The following FYTTD1 variants were observed in gnomAD, a reference collection of about 807,000 sequenced individuals.
FYTTD1 encodes UAP56-interacting factor.
FYTTD1 carries 22 observed loss-of-function variants against 40.9 expected under a neutral mutation model. That is an observed-to-expected ratio of 0.54 (90% CI 0.38 to 0.77). The LOEUF is 0.77. FYTTD1 is among the 30% of genes least tolerant of loss of function. The probability of loss-of-function intolerance (pLI) is 0.00; values close to 1 mark genes in which losing one functional copy is unlikely to be tolerated. For synonymous variants in FYTTD1, 140 were observed against 137.9 expected (o/e 1.01, Z -0.10); for missense variants, 351 against 392.2 (o/e 0.90, Z 0.89).
intron 1 of FYTTD1, 182 bp downstream of exon 1, chr3:197,750,256 G>C: frequency 2.2e-6 from 2 of 894,896 alleles, no homozygotes; most frequent in Non-Finnish European, 3.0e-6. Flanking sequence ...CAGGTGCCCG[G>C]CTGGACCGCG....
At chr3:197,758,334 T>A (rs1410310280) in intron 2 of FYTTD1, among the ~76,000 whole-genome samples, 2 of 152,260 alleles carry the variant, frequency 1.3e-5, no homozygotes, top group African/African-American at 2.4e-5. Context: ...GTTTATCAAA[T>A]ATTTAACATG....
At chr3:197,775,372 A>G (rs1729846457) in intron 6 of FYTTD1, among the ~76,000 whole-genome samples, 1 of 152,216 alleles carries the variant, frequency 6.6e-6, no homozygotes, top group African/African-American at 2.4e-5. Flanking sequence ...AATAAAATAT[A>G]TACACTTGGC....
chr3:197,775,412 G>A (rs2109052685), intron 6 of FYTTD1, among the ~76,000 whole-genome samples: 1 of 152,238 alleles, frequency 6.6e-6, no homozygotes. Context: ...TTGTTGCCAG[G>A]CCCATTGAAG....
rs367616356 is a variant in FYTTD1 at position 197,765,293 on chromosome 3, A to T, written c.236-3146A>T. Among the ~76,000 whole-genome samples, 5 of 152,204 alleles carry T rather than the reference A, an allele frequency of 3.3e-5. No individual in the cohort carries two copies. The East Asian group carries it at 9.7e-4, about 29-fold the overall frequency. On this transcript the variant is annotated intron_variant, in intron 2 of 8. Coordinates refer to ENST00000241502, the MANE Select transcript of FYTTD1 (RefSeq NM_032288.7). ...TTTAATCGTTTCTTTTTTGCCCTAC[A>T]AACTCACTTATTCTTTTGGAATATT...
chr3:197,749,636 G>A (rs1456686042), upstream of FYTTD1: 2 of 961,130 alleles, frequency 2.1e-6, no homozygotes, highest in South Asian at 1.4e-5. Flanking sequence ...ATCACTGAAG[G>A]CATAAGATTC....
At chr3:197,768,190 A>G (rs979099722) in intron 2 of FYTTD1, among the ~76,000 whole-genome samples, 4 of 152,212 alleles carry the variant, frequency 2.6e-5, no homozygotes, top group Non-Finnish European at 5.9e-5. Context: ...GAAACTAATG[A>G]CAAAAGAGTA....
At chr3:197,765,663 AC>A (rs1729521960) in intron 2 of FYTTD1, among the ~76,000 whole-genome samples, 1 of 151,996 alleles carries the variant, frequency 6.6e-6, no homozygotes, top group Admixed American at 6.6e-5. Context: ...GGAGTTTGAG[AC>A]CAGCCTGGCC....
intron 2 of FYTTD1, among the ~76,000 whole-genome samples, chr3:197,764,294 T>TA (rs1729474246): frequency 1.3e-5 from 2 of 152,226 alleles, no homozygotes; most frequent in Admixed American, 6.5e-5. Context: ...ACATTTTTCT[T>TA]ACTTTATGTA....
chr3:197,777,583 T>C (rs1446651408), intron 7 of FYTTD1, among the ~76,000 whole-genome samples: 2 of 152,328 alleles, frequency 1.3e-5, no homozygotes, highest in East Asian at 3.9e-4. Context: ...GATGATGGTA[T>C]ACATGCTACT....
chr3:197,756,761 G>T (rs1326780862), intron 2 of FYTTD1, among the ~76,000 whole-genome samples: 1 of 152,182 alleles, frequency 6.6e-6, no homozygotes, highest in African/African-American at 2.4e-5. Context: ...CTTAAACGTT[G>T]TAAGTCATTT....
chr3:197,773,369 A>G, intron 4 of FYTTD1, 34 bp from the exon 5 acceptor site: 1 of 1,303,114 alleles, frequency 7.7e-7, no homozygotes, highest in South Asian at 1.3e-5. Context: ...AAGTAGTTAA[A>G]TGGCTTAGCA....
chr3:197,756,853 A>G (rs1729229188), intron 2 of FYTTD1, among the ~76,000 whole-genome samples: 1 of 152,358 alleles, frequency 6.6e-6, no homozygotes, highest in Middle Eastern at 3.4e-3. Context: ...ATGAGCTCCT[A>G]TCTTCATCCA....
intron 2 of FYTTD1, among the ~76,000 whole-genome samples, chr3:197,765,075 A>G (rs554115941): frequency 1.3e-5 from 2 of 151,878 alleles, no homozygotes; most frequent in African/African-American, 2.4e-5. Context: ...CTGGTCTCGA[A>G]CTCCTGACCT....
At chr3:197,774,486 G>GA (rs1178691493) in intron 6 of FYTTD1, among the ~76,000 whole-genome samples, 1 of 146,408 alleles carries the variant, frequency 6.8e-6, no homozygotes, top group Admixed American at 6.8e-5. Context: ...ATAGCTCGAT[G>GA]CCACTGCACA....
intron 2 of FYTTD1, among the ~76,000 whole-genome samples, chr3:197,760,464 CGGGTAGAATGTATAGAGTTCTTCAG>C (rs1336812161): frequency 7.3e-5 from 11 of 150,248 alleles, no homozygotes; most frequent in Non-Finnish European, 1.6e-4. Context: ...GGGGTCTTCA[CGGGTAGAATGTATAGAGTTCTTCAG>C]GGGTAGAATG....
rs765594054 is a variant in FYTTD1, at chr3:197,750,032, G to C, written c.61G>C (p.Ala21Pro). The C allele has an allele frequency of 1.9e-6, 3 of 1,582,616 alleles. No homozygotes were observed. Among genetic ancestry groups the C allele is most frequent in the Non-Finnish European group, 2.6e-6 (3 of 1,166,070 alleles). Residue 21 changes from alanine to proline, a missense_variant, in exon 1 of 9, where the codon GCC becomes CCC. By Grantham distance (27) the Ala-to-Pro change is conservative. Transcript: ENST00000241502. ...ATATSSPPPK[A>P]RSNENLDKID... ...GGCGACTTCTTCGCCGCCGCCGAAG[G>C]CCCGCAGCAATGAAAACCTCGACAA...
chr3:197,749,953 C>A lies in FYTTD1; in HGVS notation c.-19C>A, dbSNP rs370833584. 2.6e-6 allele frequency: 4 copies of A among 1,536,674 alleles called. No homozygotes were observed. The highest frequency in any genetic ancestry group is 2.6e-5 in the East Asian group (1 of 38,184). Reference sequence around the variant, plus strand: ...CTCCGGCCTTGTCCGCGCCCGCTCTCGGCGCGACGTCTCCAGCCATGAACC... The same window carrying A: ...CTCCGGCCTTGTCCGCGCCCGCTCTAGGCGCGACGTCTCCAGCCATGAACC... On this transcript the variant is annotated 5_prime_UTR_variant, in exon 1 of 9. Coordinates refer to ENST00000241502, the MANE Select transcript of FYTTD1 (RefSeq NM_032288.7).
At chr3:197,778,516 T>G in intron 8 of FYTTD1, 52 bp downstream of exon 8, 1 of 1,295,662 alleles carries the variant, frequency 7.7e-7, no homozygotes, top group Non-Finnish European at 1.1e-6. Context: ...GTATTTTAAT[T>G]AACAAAGTAT....
At chr3:197,778,199 G>C (rs1729928845) in intron 7 of FYTTD1, 139 bp from the exon 8 acceptor site, 2 of 556,798 alleles carry the variant, frequency 3.6e-6, no homozygotes. Flanking sequence ...AGAGTAGCCA[G>C]TGAAACTTTT....
Sources: allele counts gnomAD v4.1 joint callset (sites outside exome capture counted in the v4.1 genomes callset), GRCh38; gene constraint gnomAD v4.1.1; transcripts MANE v1.5; gene names NCBI Gene and HGNC (gene_info 2026-07-23, HGNC 2026-07-21).